The following ACVR2A variants were observed in gnomAD, a reference collection of about 807,000 sequenced individuals.
ACVR2A encodes the protein activin A receptor type 2A.
In ACVR2A, 7 loss-of-function variants were observed where a neutral mutation model predicts 61.4. The ratio of observed to expected loss-of-function variants is 0.11; its 90% CI spans 0.06 to 0.21. ACVR2A has a LOEUF of 0.21. Ranked by LOEUF, ACVR2A falls within the 10% of genes least tolerant of loss-of-function variation. The pLI is 1.00. For synonymous variants in ACVR2A, 193 were observed against 208.3 expected (o/e 0.93, Z 0.63); for missense variants, 322 against 621.7 (o/e 0.52, Z 5.13).
chr2:147,880,200 T>G, intron 1 of ACVR2A, among the ~76,000 whole-genome samples: 1 of 152,056 alleles, frequency 6.6e-6, no homozygotes, highest in Non-Finnish European at 1.5e-5. Context: ...CTAGTAAGCA[T>G]TTTTTATTTT....
intron 1 of ACVR2A, among the ~76,000 whole-genome samples, chr2:147,874,363 C>G (rs570299580): frequency 6.6e-6 from 1 of 151,810 alleles, no homozygotes; most frequent in Admixed American, 6.6e-5. Context: ...ACACATCTTC[C>G]TGTTATTTGT....
At chr2:147,918,197 T>C (rs1026492677) in intron 6 of ACVR2A, among the ~76,000 whole-genome samples, 4 of 151,570 alleles carry the variant, frequency 2.6e-5, no homozygotes, top group African/African-American at 9.7e-5. Flanking sequence ...ACTTGTCTTA[T>C]AGATTGGTGG....
chr2:147,871,138 T>C (rs1370812946), intron 1 of ACVR2A, among the ~76,000 whole-genome samples: 1 of 152,082 alleles, frequency 6.6e-6, no homozygotes, highest in Admixed American at 6.6e-5. Flanking sequence ...ACAAGCTCAG[T>C]CTCCTGTCCT....
At chr2:147,894,874 T>C (rs757375485) in intron 1 of ACVR2A, among the ~76,000 whole-genome samples, 1 of 152,104 alleles carries the variant, frequency 6.6e-6, no homozygotes, top group Non-Finnish European at 1.5e-5. Context: ...CGTGGGCTTT[T>C]TCTTGAGGCA....
At chr2:147,878,755 C>A (rs1314511584) in intron 1 of ACVR2A, among the ~76,000 whole-genome samples, 1 of 151,246 alleles carries the variant, frequency 6.6e-6, no homozygotes, top group Non-Finnish European at 1.5e-5. Context: ...CAAAAAAATA[C>A]AAAAAAAAGC....
chr2:147,913,809 A>C (rs1051301298), intron 4 of ACVR2A, among the ~76,000 whole-genome samples: 1 of 135,552 alleles, frequency 7.4e-6, no homozygotes, highest in African/African-American at 2.7e-5. Flanking sequence ...GGGAAGGACA[A>C]GCAACTTGTA....
At chr2:147,869,864 C>T (rs569576337) in intron 1 of ACVR2A, among the ~76,000 whole-genome samples, 2 of 150,304 alleles carry the variant, frequency 1.3e-5, no homozygotes, top group South Asian at 2.1e-4. Flanking sequence ...TGAGAAGTTG[C>T]GGGGAAGGCA....
rs1214771174 is a variant in ACVR2A at position 147,908,608 on chromosome 2, GTAT to G, written c.529-6578_529-6576del. On this transcript the variant is annotated intron_variant, in intron 4 of 10. Coordinates refer to ENST00000241416, the MANE Select transcript of ACVR2A (RefSeq NM_001616.5). ...CAGAAACATTGTCCTCGCATATACTGTATTATTTATAAATTCTGTTTCTATTCT... is the reference window on the plus strand; with the variant it reads ...CAGAAACATTGTCCTCGCATATACTGTATTTATAAATTCTGTTTCTATTCT... 2.6e-5 allele frequency among the ~76,000 whole-genome samples: 4 copies of G among 152,194 alleles called. No individual in the cohort carries two copies. In the East Asian group the frequency reaches 7.7e-4, roughly 29 times the overall value.
At chr2:147,866,836 A>G (rs1685868349) in intron 1 of ACVR2A, among the ~76,000 whole-genome samples, 1 of 152,220 alleles carries the variant, frequency 6.6e-6, no homozygotes, top group Non-Finnish European at 1.5e-5. Flanking sequence ...GTAGAGGTAG[A>G]TCTAAGCTGG....
intron 8 of ACVR2A, among the ~76,000 whole-genome samples, chr2:147,921,308 T>G (rs962145447): frequency 5.3e-5 from 8 of 152,118 alleles, no homozygotes; most frequent in African/African-American, 1.9e-4. Flanking sequence ...GTGCTGGGAT[T>G]ATAGGCGTGA....
At position 147,926,083 on chromosome 2, in the gene ACVR2A, A is replaced by G. The variant is rs756665443; in HGVS notation, c.1269A>G (p.Pro423=). 7.4e-6 allele frequency: 12 copies of G among 1,612,118 alleles called. No individual in the cohort carries two copies. The Admixed American group carries it at 1.3e-4, about 18-fold the overall frequency. ...LPFEEEIGQH[P]SLEDMQEVVV... ...TTGAGGAGGAAATTGGCCAGCATCCATCTCTTGAAGACATGCAGGAAGTTG... is the reference window on the plus strand; with the variant it reads ...TTGAGGAGGAAATTGGCCAGCATCCGTCTCTTGAAGACATGCAGGAAGTTG... The change falls in exon 10 of 11, where the codon CCA becomes CCG. Residue 423 remains proline (P), a synonymous_variant. Coordinates refer to ENST00000241416, the MANE Select transcript of ACVR2A (RefSeq NM_001616.5).
intron 1 of ACVR2A, among the ~76,000 whole-genome samples, chr2:147,884,792 A>G (rs891355869): frequency 2.0e-5 from 3 of 152,102 alleles, no homozygotes; most frequent in Non-Finnish European, 2.9e-5. Flanking sequence ...CCTTGTTTTT[A>G]TTGGGTAGTT....
intron 1 of ACVR2A, among the ~76,000 whole-genome samples, chr2:147,854,895 T>A (rs1026543906): frequency 6.6e-6 from 1 of 152,174 alleles, no homozygotes; most frequent in African/African-American, 2.4e-5. Context: ...ATTTCTTTTT[T>A]TTTTGAGACT....
intron 1 of ACVR2A, among the ~76,000 whole-genome samples, chr2:147,852,622 T>C (rs1377020989): frequency 6.6e-6 from 1 of 152,116 alleles, no homozygotes; most frequent in African/African-American, 2.4e-5. Flanking sequence ...AGGTCTTCTC[T>C]CTTTTGGACT....
At chr2:147,880,905 T>A (rs1686282424) in intron 1 of ACVR2A, among the ~76,000 whole-genome samples, 1 of 152,166 alleles carries the variant, frequency 6.6e-6, no homozygotes, top group South Asian at 2.1e-4. Context: ...GTGGAAGGGC[T>A]AGAAAGGGTA....
At chr2:147,912,536 G>A (rs1465121187) in intron 4 of ACVR2A, among the ~76,000 whole-genome samples, 1 of 151,534 alleles carries the variant, frequency 6.6e-6, no homozygotes, top group African/African-American at 2.4e-5. Context: ...TCTTCCCAGG[G>A]GCTCATATAT....
intron 1 of ACVR2A, among the ~76,000 whole-genome samples, chr2:147,870,113 G>T (rs1254713188): frequency 6.6e-6 from 1 of 151,876 alleles, no homozygotes; most frequent in East Asian, 1.9e-4. Flanking sequence ...GGATGTGAAG[G>T]TGTTGTCAGG....
intron 4 of ACVR2A, among the ~76,000 whole-genome samples, chr2:147,902,049 T>C (rs996192757): frequency 4.6e-5 from 7 of 151,986 alleles, no homozygotes; most frequent in Non-Finnish European, 1.0e-4. Context: ...CATAAAGATA[T>C]AAATTATATG....
intron 8 of ACVR2A, among the ~76,000 whole-genome samples, chr2:147,921,982 G>A (rs1206714256): frequency 1.3e-5 from 2 of 151,916 alleles, no homozygotes; most frequent in African/African-American, 4.8e-5. Context: ...TATAAAAGAG[G>A]GAACATTTTA....
Sources: gnomAD v4.1 joint callset for allele counts (sites outside exome capture counted in the v4.1 genomes callset) on GRCh38, gnomAD v4.1.1 for gene constraint, MANE v1.5 for transcripts, NCBI Gene and HGNC (gene_info 2026-07-23, HGNC 2026-07-21) for gene names.